Variants in HPS1 observed in about 807,000 individuals in gnomAD.
The protein encoded by HPS1 is HPS1 biogenesis of lysosomal organelles complex 3 subunit 1.
In HPS1, 59 loss-of-function variants were observed where a neutral mutation model predicts 90.6. The ratio of observed to expected loss-of-function variants is 0.65; its 90% CI spans 0.53 to 0.81. HPS1 has a LOEUF of 0.81. Ranked by LOEUF, HPS1 falls within the 30% of genes least tolerant of loss-of-function variation. The pLI, the probability that HPS1 is intolerant of heterozygous loss-of-function variation, is 0.00. For missense variants in HPS1, 849 were observed against 896.7 expected (o/e 0.95, Z 0.68); for synonymous variants, 388 against 384.4 (o/e 1.01, Z -0.11).
In HPS1 at chr10:98,435,681, G is replaced by T. The variant is rs1341690495; in HGVS notation, c.209C>A (p.Thr70Asn). The change falls in exon 4 of 20, where the codon ACC (threonine) becomes AAC (asparagine). Residue 70 changes from threonine to asparagine, a missense_variant. Physicochemically the swap from Thr to Asn is moderately conservative, Grantham distance 65 (BLOSUM62 0). Transcript: ENST00000361490. The surrounding 1 kb of genome is among the most constrained non-coding windows in gnomAD (Gnocchi z 4.3). ...GTTGCCATTTTCCGTGGAGAAGCAGGTGTAGGTGTCCGAGAGCTTCTCCAG... is the reference window on the plus strand; with the variant it reads ...GTTGCCATTTTCCGTGGAGAAGCAGTTGTAGGTGTCCGAGAGCTTCTCCAG... ...TMLEKLSDTY[T>N]CFSTENGNFL... 2 of 1,614,178 alleles carry T rather than the reference G, an allele frequency of 1.2e-6. No homozygotes were observed. Among genetic ancestry groups the T allele is most frequent in the Non-Finnish European group, 1.7e-6 (2 of 1,180,026 alleles).
At position 98,417,771 on chromosome 10, in the gene HPS1, A is replaced by G. The variant is rs768307401; in HGVS notation, c.1941-45T>C. 1.4e-5 allele frequency: 22 copies of G among 1,586,448 alleles called. No homozygotes were observed. The Admixed American group carries it at 1.7e-4, about 12-fold the overall frequency. ...TGGGATTCAGGAGTGAGGCTGTGGC[A>G]CTCCTCCAGCGCCAGAGGCCTCTCT... On this transcript the variant is annotated intron_variant, in intron 19 of 19. Coordinates refer to ENST00000361490, the MANE Select transcript of HPS1 (RefSeq NM_000195.5). The surrounding 1 kb of genome is among the most constrained non-coding windows in gnomAD (Gnocchi z 4.2).
At chr10:98,424,021 T>C (rs1274178057) in intron 14 of HPS1, 134 bp from the exon 15 acceptor site, 1 of 1,199,176 alleles carries the variant, frequency 8.3e-7, no homozygotes, top group Non-Finnish European at 1.2e-6. Flanking sequence ...CACCCCACTC[T>C]TGTACCCAGG....
chr10:98,433,156 C>T (rs553089743), intron 6 of HPS1, among the ~76,000 whole-genome samples: 7 of 150,216 alleles, frequency 4.7e-5, no homozygotes, highest in Middle Eastern at 6.9e-3. Context: ...TGCTTGAACC[C>T]GGGAAGCAGA....
chr10:98,424,288 C>T (rs1178824910), intron 14 of HPS1, 25 bp downstream of exon 14: 3 of 1,593,978 alleles, frequency 1.9e-6, no homozygotes, highest in Non-Finnish European at 8.6e-7. Context: ...ACGACCCACC[C>T]CTTGTCCTGA....
Position 98,443,207 on chromosome 10 carries a change from C to A in HPS1, c.34G>T (p.Glu12Ter). The A allele has an allele frequency of 6.2e-7, 1 of 1,614,140 alleles. No individual in the cohort carries two copies. Among genetic ancestry groups the A allele is most frequent in the African/African-American group, 1.3e-5 (1 of 75,056 alleles). Reference sequence around the variant, plus strand: ...TGATCTGTCCAGTAGAAGAGGACCTCTGCGCCCTCAGTGGCCACCAAGACG... The same window carrying A: ...TGATCTGTCCAGTAGAAGAGGACCTATGCGCCCTCAGTGGCCACCAAGACG... ...KCVLVATEGA[E>*]VLFYWTDQEF... Residue 12 changes from glutamate (E) to a stop codon, truncating the protein, a stop_gained, in exon 3 of 20, where the codon GAG becomes TAG. Coordinates refer to ENST00000361490, the MANE Select transcript of HPS1 (RefSeq NM_000195.5). LOFTEE classifies it high-confidence loss of function.
In HPS1 at chr10:98,445,108, C is replaced by T. The variant is rs1939249246; in HGVS notation, c.-1+192G>A. On this transcript the variant is annotated intron_variant, in intron 2 of 19. Transcript: ENST00000361490. This position sits in a 1 kb window ranked among gnomAD's most constrained non-coding sequence, Gnocchi z 4.5. ...CAGGCTGTGATGACCTGCCTGGATTCGAGGGGTGAAGGAGAGATGAGGCAT... is the reference window on the plus strand; with the variant it reads ...CAGGCTGTGATGACCTGCCTGGATTTGAGGGGTGAAGGAGAGATGAGGCAT... Among the ~76,000 whole-genome samples the T allele has an allele frequency of 6.6e-6, 1 of 151,978 alleles. No individual in the cohort carries two copies. The highest frequency in any genetic ancestry group is 1.9e-4 in the East Asian group (1 of 5,170).
At chr10:98,446,082 T>C (rs1939466048) in intron 1 of HPS1, among the ~76,000 whole-genome samples, 1 of 151,794 alleles carries the variant, frequency 6.6e-6, no homozygotes, top group Non-Finnish European at 1.5e-5. Flanking sequence ...CCGGAATCAT[T>C]CATATTTGAA....
intron 10 of HPS1, 51 bp from the exon 11 acceptor site, chr10:98,427,315 C>G (rs1276468258): frequency 2.7e-6 from 4 of 1,468,752 alleles, no homozygotes; most frequent in Non-Finnish European, 3.7e-6. Flanking sequence ...GAGATGTAAG[C>G]AATGGCTCAA....
At chr10:98,425,190 G>C (rs1330633454) in intron 13 of HPS1, among the ~76,000 whole-genome samples, 2 of 152,220 alleles carry the variant, frequency 1.3e-5, no homozygotes, top group Non-Finnish European at 2.9e-5. Context: ...GCCCGTGACG[G>C]GCGGATCCCG....
downstream of HPS1, among the ~76,000 whole-genome samples, chr10:98,415,576 G>A (rs1333207949): frequency 1.3e-5 from 2 of 152,238 alleles, no homozygotes; most frequent in Admixed American, 6.5e-5. Context: ...AAACGCCTGG[G>A]ATGGCAAGTG....
chr10:98,425,792 C>A, intron 12 of HPS1, 26 bp downstream of exon 12: 1 of 1,608,254 alleles, frequency 6.2e-7, no homozygotes, highest in Non-Finnish European at 8.5e-7. Flanking sequence ...TAAGCATCAT[C>A]AGGGCAGGGT....
In HPS1 at chr10:98,429,788, C is replaced by T; in HGVS notation, c.867+3G>A. On this transcript the variant is annotated splice_donor_region_variant and intron_variant, in intron 9 of 19. Transcript: ENST00000361490. ...CTGACTCCACGAAGTGCACAGCACA[C>T]ACCGTCTCTGCAGAGCTCCCCCCAG... 6.2e-7 allele frequency: 1 copy of T among 1,613,856 alleles called. No homozygotes were observed. Among genetic ancestry groups the T allele is most frequent in the Non-Finnish European group, 8.5e-7 (1 of 1,179,910 alleles).
intron 7 of HPS1, 100 bp from the exon 8 acceptor site, chr10:98,430,770 G>C: frequency 4.3e-6 from 4 of 925,858 alleles, no homozygotes; most frequent in Non-Finnish European, 6.8e-6. Context: ...CCCTCAAGGA[G>C]CAATGTACTT....
chr10:98,425,133 T>C (rs1043324047), intron 13 of HPS1, among the ~76,000 whole-genome samples: 5 of 152,128 alleles, frequency 3.3e-5, no homozygotes, highest in Admixed American at 1.3e-4. Flanking sequence ...TGCACATCCC[T>C]GTGTTGCCCT....
At chr10:98,430,291 G>A (rs576640170) in intron 8 of HPS1, among the ~76,000 whole-genome samples, 2 of 152,288 alleles carry the variant, frequency 1.3e-5, no homozygotes, top group African/African-American at 4.8e-5. Context: ...GGCTCTGGGG[G>A]TGCAAGTACG....
At chr10:98,422,543 C>T (rs1845028650) in intron 16 of HPS1, 30 bp from the exon 17 acceptor site, 1 of 1,612,494 alleles carries the variant, frequency 6.2e-7, no homozygotes, top group African/African-American at 1.3e-5. Context: ...TGCTTACAAG[C>T]CAGGAGCTAG....
At chr10:98,420,555 T>C (rs1372232999) in intron 17 of HPS1, among the ~76,000 whole-genome samples, 1 of 151,738 alleles carries the variant, frequency 6.6e-6, no homozygotes, top group Non-Finnish European at 1.5e-5. Context: ...CTCTACAAAA[T>C]ATACAAAATA....
chr10:98,432,330 A>G (rs549155151), intron 6 of HPS1, among the ~76,000 whole-genome samples: 6 of 152,296 alleles, frequency 3.9e-5, no homozygotes, highest in Admixed American at 2.0e-4. Flanking sequence ...TGGCACCAGG[A>G]TTCTTTATTA....
chr10:98,438,435 C>G (rs1020642938), intron 3 of HPS1, among the ~76,000 whole-genome samples: 1 of 152,170 alleles, frequency 6.6e-6, no homozygotes, highest in Non-Finnish European at 1.5e-5. Flanking sequence ...TTATTTGGAA[C>G]TGGAACAAAG....
Sources: gnomAD v4.1 joint callset for allele counts (sites outside exome capture counted in the v4.1 genomes callset) on GRCh38, gnomAD v4.1.1 for gene constraint, Gnocchi (gnomAD v3.1) non-coding constraint, MANE v1.5 for transcripts, NCBI Gene and HGNC (gene_info 2026-07-23, HGNC 2026-07-21) for gene names.